The following FRMD4B variants were observed in gnomAD, a reference collection of about 807,000 sequenced individuals.
The protein encoded by FRMD4B is FERM domain containing 4B.
FRMD4B carries 74 observed loss-of-function variants against 141.5 expected under a neutral mutation model. The ratio of observed to expected loss-of-function variants is 0.52; its 90% CI spans 0.43 to 0.63. FRMD4B has a LOEUF of 0.63. FRMD4B is among the 30% of genes least tolerant of loss of function. FRMD4B has a pLI of 0.00. For missense variants in FRMD4B, 1,366 were observed against 1,253.4 expected, an observed-to-expected ratio of 1.09 and a Z score of -1.36; for synonymous variants, 506 against 467.9, an observed-to-expected ratio of 1.08 and a Z score of -1.05.
intron 1 of FRMD4B, among the ~76,000 whole-genome samples, chr3:69,350,004 C>A (rs1246068982): frequency 1.3e-5 from 2 of 152,068 alleles, no homozygotes; most frequent in African/African-American, 2.4e-5. Flanking sequence ...AGCTTCTGCA[C>A]AGCAAAAAAA....
chr3:69,536,481 C>A, intron 1 of FRMD4B: 1 of 699,808 alleles, frequency 1.4e-6, no homozygotes, highest in South Asian at 1.5e-5. Context: ...CGGCCACCGC[C>A]AACGTGCCCT....
At chr3:69,226,734 T>C (rs2093258046) in intron 7 of FRMD4B, among the ~76,000 whole-genome samples, 1 of 152,150 alleles carries the variant, frequency 6.6e-6, no homozygotes, top group South Asian at 2.1e-4. Flanking sequence ...TTAACAAAAA[T>C]ATGTAGAACG....
chr3:69,397,966 A>G (rs1704499464), intron 2 of FRMD4B, among the ~76,000 whole-genome samples: 1 of 152,204 alleles, frequency 6.6e-6, no homozygotes, highest in Non-Finnish European at 1.5e-5. Context: ...ATATTCCACA[A>G]TGAGTGTGTA....
intron 1 of FRMD4B, among the ~76,000 whole-genome samples, chr3:69,352,057 G>C (rs765070127): frequency 6.6e-6 from 1 of 152,134 alleles, no homozygotes; most frequent in South Asian, 2.1e-4. Context: ...ATCAAACACA[G>C]TGGAACACAC....
chr3:69,375,814 A>G (rs1703958145), intron 1 of FRMD4B, among the ~76,000 whole-genome samples: 1 of 152,234 alleles, frequency 6.6e-6, no homozygotes, highest in African/African-American at 2.4e-5. Context: ...TGAAGAGGAT[A>G]AAGGCACAAC....
intron 7 of FRMD4B, among the ~76,000 whole-genome samples, chr3:69,231,521 C>G (rs1307288178): frequency 6.6e-6 from 1 of 152,246 alleles, no homozygotes; most frequent in African/African-American, 2.4e-5. Flanking sequence ...CTCGTGACCT[C>G]AGGTGATCTG....
chr3:69,224,852 C>CTGAGTTTAACAACTCAGTTGTTA (rs2093235157), intron 7 of FRMD4B, among the ~76,000 whole-genome samples, 162 bp from the exon 8 acceptor site: 1 of 152,166 alleles, frequency 6.6e-6, no homozygotes, highest in South Asian at 2.1e-4. Flanking sequence ...CCAAATTTAA[C>CTGAGTTTAACAACTCAGTTGTTA]AACTGAGTTA....
intron 7 of FRMD4B, among the ~76,000 whole-genome samples, chr3:69,244,317 G>C (rs2093408717): frequency 6.6e-6 from 1 of 152,172 alleles, no homozygotes; most frequent in South Asian, 2.1e-4. Context: ...TGTTGGTGAG[G>C]TCAGCTTCGG....
chr3:69,514,924 G>C (rs1700727641), intron 1 of FRMD4B, among the ~76,000 whole-genome samples: 1 of 152,042 alleles, frequency 6.6e-6, no homozygotes, highest in Non-Finnish European at 1.5e-5. Context: ...TGAAAAAAAT[G>C]AACAAAGTTG....
At chr3:69,378,174 C>G (rs1220514452) in intron 1 of FRMD4B, among the ~76,000 whole-genome samples, 1 of 151,628 alleles carries the variant, frequency 6.6e-6, no homozygotes, top group African/African-American at 2.4e-5. Flanking sequence ...TAATAAACTT[C>G]CTGCTTGTTA....
chr3:69,173,638 C>T (rs1365149562), intron 22 of FRMD4B, among the ~76,000 whole-genome samples: 2 of 151,970 alleles, frequency 1.3e-5, no homozygotes, highest in Non-Finnish European at 2.9e-5. Context: ...CAGACTGTAT[C>T]CTAAAAAGAA....
intron 22 of FRMD4B, among the ~76,000 whole-genome samples, chr3:69,174,848 A>G (rs1181163785): frequency 6.6e-6 from 1 of 152,240 alleles, no homozygotes; most frequent in East Asian, 1.9e-4. Flanking sequence ...ATATTATTAA[A>G]AAATGGTTAG....
chr3:69,227,148 A>C (rs1413859723), intron 7 of FRMD4B, among the ~76,000 whole-genome samples: 2 of 152,206 alleles, frequency 1.3e-5, no homozygotes, highest in African/African-American at 4.8e-5. Context: ...ACACAATCAG[A>C]ATCTACTCCA....
intron 1 of FRMD4B, among the ~76,000 whole-genome samples, chr3:69,324,588 C>A (rs1702119314): frequency 6.6e-6 from 1 of 152,230 alleles, no homozygotes. Context: ...TGTCTCCAGA[C>A]CTTGCCAAAT....
intron 18 of FRMD4B, among the ~76,000 whole-genome samples, chr3:69,189,108 G>A (rs2092805888): frequency 6.6e-6 from 1 of 151,526 alleles, no homozygotes; most frequent in African/African-American, 2.4e-5. Context: ...TGTAATCCCA[G>A]CTACTCGGGA....
intron 11 of FRMD4B, among the ~76,000 whole-genome samples, chr3:69,205,188 A>T (rs1183960391): frequency 6.7e-6 from 1 of 148,604 alleles, no homozygotes. Flanking sequence ...TTTGTATGAG[A>T]TAGGGTCTTG....
rs564121669 is a variant in FRMD4B, at chr3:69,441,244, C to T, written c.-128-8483G>A. On this transcript the variant is annotated intron_variant, in intron 1 of 5. Transcript: ENST00000459638. ...TCTGTTAGTCATTAAGCTTTAGCCA[C>T]AGTGGTTTTCTTTACTTTTTTTTCT... Among the ~76,000 whole-genome samples, 3 of 152,284 alleles carry T rather than the reference C, an allele frequency of 2.0e-5. No homozygotes were observed. In the South Asian group the frequency reaches 6.2e-4, roughly 32 times the overall value.
In FRMD4B at chr3:69,507,511, T is replaced by C. The variant is rs185962623; in HGVS notation, c.-129+34695A>G. Among the ~76,000 whole-genome samples, 204 of 152,340 alleles carry C rather than the reference T, an allele frequency of 1.3e-3. 3 individuals are homozygous for C. Among genetic ancestry groups the C allele is most frequent in the East Asian group, 4.1e-3 (21 of 5,184 alleles). On this transcript the variant is annotated intron_variant, in intron 1 of 5. Transcript: ENST00000459638. The stretch of plus-strand genomic sequence containing the variant: ...TATATATAAGGCTGTGTCACTTTTT[T>C]AATACCTACATAGTATTTTACGGTA...
At chr3:69,256,215 G>A (rs929448024) in intron 5 of FRMD4B, among the ~76,000 whole-genome samples, 5 of 152,196 alleles carry the variant, frequency 3.3e-5, no homozygotes, top group African/African-American at 9.7e-5. Flanking sequence ...GGACAGAAAT[G>A]AGTGAGTGCA....
Sources: gnomAD v4.1 joint callset for allele counts (sites outside exome capture counted in the v4.1 genomes callset) on GRCh38, gnomAD v4.1.1 for gene constraint, MANE v1.5 for transcripts, NCBI Gene and HGNC (gene_info 2026-07-23, HGNC 2026-07-21) for gene names.